The following PHYHD1 variants were observed in gnomAD, a reference collection of about 807,000 sequenced individuals.
PHYHD1 encodes phytanoyl-CoA dioxygenase domain-containing protein 1.
Under a neutral mutation model 43.6 loss-of-function variants are expected in PHYHD1, and 42 were observed. That is an observed-to-expected ratio of 0.96 (90% CI 0.75 to 1.25). The LOEUF (loss-of-function observed/expected upper bound fraction) is 1.25. PHYHD1 is among the 50% of genes most tolerant of loss of function. The pLI is 0.00. For synonymous variants in PHYHD1, 139 were observed against 143.6 expected (o/e 0.97, Z 0.23); for missense variants, 342 against 370.8 (o/e 0.92, Z 0.64).
intron 6 of PHYHD1, among the ~76,000 whole-genome samples, chr9:128,936,003 C>T (rs1227138164): frequency 6.6e-6 from 1 of 152,098 alleles, no homozygotes; most frequent in African/African-American, 2.4e-5. Flanking sequence ...CATGCCAGGC[C>T]CTGGGCTGTC....
intron 6 of PHYHD1, among the ~76,000 whole-genome samples, chr9:128,935,571 A>AG (rs1554826008): frequency 1.3e-5 from 2 of 148,706 alleles, no homozygotes; most frequent in African/African-American, 5.0e-5. Flanking sequence ...AAAAAAAAAA[A>AG]AAAAGAAAAG....
chr9:128,933,615 T>C (rs898464224), intron 4 of PHYHD1, 167 bp from the exon 5 acceptor site: 12 of 749,736 alleles, frequency 1.6e-5, no homozygotes, highest in South Asian at 4.4e-5. Context: ...TTCCAGGCAC[T>C]TGAAGTTCTG....
intron 11 of PHYHD1, 40 bp from the exon 12 acceptor site, chr9:128,941,405 T>C: frequency 6.2e-7 from 1 of 1,605,964 alleles, no homozygotes; most frequent in South Asian, 1.1e-5. Context: ...AGGGGGGATG[T>C]GGGGCTGGTA....
intron 4 of PHYHD1, among the ~76,000 whole-genome samples, chr9:128,931,271 C>T (rs1841269087): frequency 6.6e-6 from 1 of 152,076 alleles, no homozygotes; most frequent in African/African-American, 2.4e-5. Flanking sequence ...GCCACCACGT[C>T]CTGCTAATTT....
intron 4 of PHYHD1, among the ~76,000 whole-genome samples, chr9:128,932,181 A>ATT (rs1265015070): frequency 9.9e-4 from 107 of 107,694 alleles, no homozygotes; most frequent in South Asian, 6.6e-3. Context: ...TATTATTATT[A>ATT]TTATTTTTTT....
rs1841428429 is a variant in PHYHD1, at chr9:128,936,570, TG to T, written c.373-12del. ...TGTGGCAGGCTGGCAGCATGACCTT[TG>T]CCCCCCTCCAGACCTTGGCCAGAAG... On this transcript the variant is annotated splice_polypyrimidine_tract_variant and intron_variant, in intron 7 of 12. Coordinates refer to ENST00000372592, the MANE Select transcript of PHYHD1 (RefSeq NM_001100876.2). 6.3e-7 allele frequency: 1 copy of T among 1,598,314 alleles called. No homozygotes were observed. The highest frequency in any genetic ancestry group is 1.1e-5 in the South Asian group (1 of 88,498).
rs1564540384 is a variant in PHYHD1, at chr9:128,932,168, T to TA, written c.193-1614_193-1613insA. ...TCAGTTCTATTATTATTATTATTAT[T>TA]GTTATTATTATTATTATTTTTTTTT... On this transcript the variant is annotated intron_variant, in intron 4 of 12. Coordinates refer to ENST00000372592, the MANE Select transcript of PHYHD1 (RefSeq NM_001100876.2). 2.7e-3 allele frequency among the ~76,000 whole-genome samples: 330 copies of TA among 122,650 alleles called. 5 individuals carry two copies. Among genetic ancestry groups the TA allele is most frequent in the Admixed American group, 6.1e-3 (69 of 11,286 alleles). 80.5% of individuals were successfully genotyped at this position (122,650 alleles called of 152,430 possible).
Position 128,928,036 on chromosome 9 carries a change from CAG to C in PHYHD1, c.192+843_192+844del, listed in dbSNP as rs539576318. 2.2e-3 allele frequency among the ~76,000 whole-genome samples: 330 copies of C among 152,372 alleles called. 4 individuals carry two copies. Among genetic ancestry groups the C allele is most frequent in the African/African-American group, 7.5e-3 (310 of 41,588 alleles). Reference sequence around the variant, plus strand: ...CACCGTTCTCTTGACCCTTCCTAGTCAGAGTTTATTATGAGCCTGCTTGCGCC... The same window carrying C: ...CACCGTTCTCTTGACCCTTCCTAGTCAGTTTATTATGAGCCTGCTTGCGCC... On this transcript the variant is annotated intron_variant, in intron 4 of 12. Coordinates refer to ENST00000372592, the MANE Select transcript of PHYHD1 (RefSeq NM_001100876.2).
chr9:128,934,974 C>T (rs1433377762), intron 6 of PHYHD1, among the ~76,000 whole-genome samples: 1 of 152,126 alleles, frequency 6.6e-6, no homozygotes, highest in Non-Finnish European at 1.5e-5. Flanking sequence ...CCTGGGGGAG[C>T]TCCTGGGTCC....
chr9:128,939,878 T>C (rs111982280), intron 9 of PHYHD1, among the ~76,000 whole-genome samples: 33,696 of 133,080 alleles, frequency 0.25, 5,533 homozygotes, highest in Non-Finnish European at 0.34. Context: ...TGGTCTCAAA[T>C]TCCTGACCTC....
In PHYHD1 at chr9:128,936,484, C is replaced by G; in HGVS notation, c.353C>G (p.Thr118Arg). The change falls in exon 7 of 13, where the codon ACA becomes AGA. Residue 118 changes from threonine to arginine, a missense_variant. Coordinates refer to ENST00000372592, the MANE Select transcript of PHYHD1 (RefSeq NM_001100876.2). ...HAHDPVFKSI[T>R]HSFKVQTLAR... Reference sequence around the variant, plus strand: ...CACGACCCCGTCTTCAAGAGCATCACACACTCCTTCAAGGTGCAGGTGAGC... The same window carrying G: ...CACGACCCCGTCTTCAAGAGCATCAGACACTCCTTCAAGGTGCAGGTGAGC... The G allele has an allele frequency of 6.2e-7, 1 of 1,613,850 alleles. No individual in the cohort carries two copies.
chr9:128,939,514 G>A (rs1841501914), intron 9 of PHYHD1, among the ~76,000 whole-genome samples: 1 of 119,064 alleles, frequency 8.4e-6, no homozygotes, highest in Non-Finnish European at 2.0e-5. Flanking sequence ...GGGAGGCGGA[G>A]GTTGCAGTGA....
intron 3 of PHYHD1, 148 bp from the exon 4 acceptor site, chr9:128,926,890 G>T: frequency 9.5e-7 from 1 of 1,054,264 alleles, no homozygotes; most frequent in East Asian, 2.4e-5. Flanking sequence ...ATTGCTCTTT[G>T]CTGGGTGCCA....
At position 128,922,357 on chromosome 9, in the gene PHYHD1, G is replaced by C. The variant is rs1841019544; in HGVS notation, c.33+1G>C. On this transcript the variant is annotated splice_donor_variant, in intron 3 of 12. Transcript: ENST00000372592. LOFTEE classifies it high-confidence loss of function. ...CCTGAGCCCCTCGCAGCTCCAGAAG[G>C]TAGGAGCCTGCAAGTCGGGGCCGGG... is the stretch of plus-strand genomic sequence containing the variant. The C allele has an allele frequency of 7.1e-6, 11 of 1,549,098 alleles. No individual in the cohort carries two copies. Among genetic ancestry groups the C allele is most frequent in the Admixed American group, 2.0e-5 (1 of 50,938 alleles).
chr9:128,932,166 A>ATTATTTTTTTTTTTTTTTTTT (rs1564540372), intron 4 of PHYHD1, among the ~76,000 whole-genome samples: 2 of 122,746 alleles, frequency 1.6e-5, no homozygotes, highest in Admixed American at 8.9e-5. Context: ...TATTATTATT[A>ATTATTTTTTTTTTTTTTTTTT]TTGTTATTAT....
rs1193289877 is a variant in PHYHD1 at position 128,940,696 on chromosome 9, G to C, written c.684G>C (p.Val228=). 1 of 1,613,446 alleles carries C rather than the reference G, an allele frequency of 6.2e-7. No homozygotes were observed. The highest frequency in any genetic ancestry group is 8.5e-7 in the Non-Finnish European group (1 of 1,180,034). The change falls in exon 11 of 13, where the codon GTG becomes GTC. Residue 228 remains valine (V), a synonymous_variant. Transcript: ENST00000372592. ...CAGCCCGGGATAACAGCCTCTTTGT[G>C]CCCACCCCAGTGCAGAGAGGTAGGC... ...SEPARDNSLF[V]PTPVQRGALV...
At chr9:128,922,526 C>A (rs968655014) in intron 3 of PHYHD1, among the ~76,000 whole-genome samples, 170 bp downstream of exon 3, 2 of 152,164 alleles carry the variant, frequency 1.3e-5, no homozygotes, top group African/African-American at 4.8e-5. Context: ...TCACACATAG[C>A]CCTGGGTGTC....
intron 4 of PHYHD1, among the ~76,000 whole-genome samples, chr9:128,930,896 C>A (rs1443576145): frequency 2.5e-4 from 38 of 150,180 alleles, no homozygotes; most frequent in African/African-American, 8.3e-4. Flanking sequence ...TTGCAGTGAG[C>A]CGAGATTGGG....
Position 128,936,622 on chromosome 9 carries a change from G to C in PHYHD1, c.412G>C (p.Val138Leu), listed in dbSNP as rs138183594. 8 of 1,557,814 alleles carry C rather than the reference G, an allele frequency of 5.1e-6. No individual in the cohort carries two copies. Among genetic ancestry groups the C allele is most frequent in the Non-Finnish European group, 7.0e-6 (8 of 1,150,270 alleles). ...TCTGGGCCTCCAGATGCCCGTGGTG[G>C]TGCAGAGCATGTACATCTTTAAGGT... ...RSLGLQMPVV[V>L]QSMYIFKQPH... Residue 138 changes from valine to leucine, a missense_variant, in exon 8 of 13, where the codon GTG (valine) becomes CTG (leucine). Physicochemically the swap from Val to Leu is conservative, Grantham distance 32. Transcript: ENST00000372592.
Sources: allele counts gnomAD v4.1 joint callset (sites outside exome capture counted in the v4.1 genomes callset), GRCh38; gene constraint gnomAD v4.1.1; transcripts MANE v1.5; gene names NCBI Gene and HGNC (gene_info 2026-07-23, HGNC 2026-07-21).